The following TPR variants were observed in gnomAD, a reference collection of about 807,000 sequenced individuals.
The protein encoded by TPR is translocated promoter region, nuclear basket protein.
In TPR, 51 loss-of-function variants were observed where a neutral mutation model predicts 316.1. That is an observed-to-expected ratio of 0.16 (90% confidence interval 0.13 to 0.20). The LOEUF (loss-of-function observed/expected upper bound fraction) is 0.20. Ranked by LOEUF, TPR falls within the 10% of genes least tolerant of loss-of-function variation. TPR has a pLI of 1.00. For missense variants in TPR, 2,272 were observed against 2,754.8 expected (o/e 0.82, Z 3.92); for synonymous variants, 981 against 914.7 (o/e 1.07, Z -1.31).
intron 18 of TPR, among the ~76,000 whole-genome samples, chr1:186,353,251 A>G (rs1010712752): frequency 6.6e-6 from 1 of 152,036 alleles, no homozygotes; most frequent in Non-Finnish European, 1.5e-5. Context: ...GGGCACCTGT[A>G]GTCCCAGCTA....
At chr1:186,357,266 T>C (rs1410599002) in intron 14 of TPR, 131 bp downstream of exon 14, 2 of 830,534 alleles carry the variant, frequency 2.4e-6, no homozygotes, top group African/African-American at 3.4e-5. Context: ...CAGGCTGGTC[T>C]CGACCTCCTG....
At chr1:186,366,898 GATC>G (rs1203447722) in intron 4 of TPR, among the ~76,000 whole-genome samples, 1 of 151,566 alleles carries the variant, frequency 6.6e-6, no homozygotes, top group Non-Finnish European at 1.5e-5. Flanking sequence ...ACCACTTGTT[GATC>G]AACACACTCA....
At chr1:186,328,024 A>C (rs948208413) in intron 39 of TPR, among the ~76,000 whole-genome samples, 2 of 152,078 alleles carry the variant, frequency 1.3e-5, no homozygotes, top group Non-Finnish European at 2.9e-5. Context: ...ACTTCAAGTG[A>C]TCTCCCACCT....
chr1:186,313,845 T>C lies in TPR; in HGVS notation c.*126A>G. 1 of 1,494,112 alleles carries C rather than the reference T, an allele frequency of 6.7e-7. No individual in the cohort carries two copies. The highest frequency in any genetic ancestry group is 9.3e-7 in the Non-Finnish European group (1 of 1,071,556). 92.6% of individuals were successfully genotyped at this position (1,494,112 alleles called of 1,614,324 possible). On this transcript the variant is annotated 3_prime_UTR_variant, in exon 51 of 51. Coordinates refer to ENST00000367478, the MANE Select transcript of TPR (RefSeq NM_003292.3). The stretch of plus-strand genomic sequence containing the variant: ...AATAAATTTTGACACTGAAAAACAT[T>C]TTATTAATAAAGAATATTGACATGA...
In TPR at chr1:186,352,009, T is replaced by C. The variant is rs1310011080; in HGVS notation, c.2436A>G (p.Gln812=). 1.2e-6 allele frequency: 2 copies of C among 1,607,042 alleles called. No individual in the cohort carries two copies. The highest frequency in any genetic ancestry group is 1.1e-5 in the South Asian group (1 of 89,338). The stretch of plus-strand genomic sequence containing the variant: ...TTTGCAGATTAGTTAGCAGTAAGTT[T>C]TGCCCCCTTTGTTCAGCTAACAAAG... ...RESLLAEQRG[Q]NLLLTNLQTI... Residue 812 remains glutamine (Q), a synonymous_variant, in exon 19 of 51, where the codon CAA becomes CAG. Coordinates refer to ENST00000367478, the MANE Select transcript of TPR (RefSeq NM_003292.3).
intron 13 of TPR, among the ~76,000 whole-genome samples, chr1:186,358,021 T>A (rs1659079544): frequency 2.0e-5 from 3 of 152,130 alleles, no homozygotes; most frequent in Non-Finnish European, 4.4e-5. Context: ...CATGTGAAAT[T>A]TTTACATTTG....
At position 186,356,416 on chromosome 1, in the gene TPR, G is replaced by A. The variant is rs746583660; in HGVS notation, c.1758C>T (p.Ala586=). The A allele has an allele frequency of 4.3e-6, 7 of 1,612,764 alleles. No homozygotes were observed. Among genetic ancestry groups the A allele is most frequent in the Non-Finnish European group, 5.9e-6 (7 of 1,179,192 alleles). ...ITELQLKLES[A]LTELEQLRKS... ...TGCGGAGTTGTTCTAGTTCAGTAAG[G>A]GCACTCTCAAGTTTGAGCTGAAGCT... Residue 586 remains alanine, a synonymous_variant, in exon 15 of 51, where the codon GCC becomes GCT. Coordinates refer to ENST00000367478, the MANE Select transcript of TPR (RefSeq NM_003292.3).
At chr1:186,335,229 T>C (rs543892377) in intron 34 of TPR, 100 bp from the exon 35 acceptor site, 17 of 1,543,486 alleles carry the variant, frequency 1.1e-5, no homozygotes, top group South Asian at 1.2e-5. Context: ...TCCGCATATA[T>C]TGAATTTTAG....
intron 39 of TPR, among the ~76,000 whole-genome samples, chr1:186,328,116 T>C (rs1658054137): frequency 6.6e-6 from 1 of 152,114 alleles, no homozygotes; most frequent in African/African-American, 2.4e-5. Flanking sequence ...TTTCAAGTAT[T>C]TTTGAAGAAA....
intron 45 of TPR, among the ~76,000 whole-genome samples, chr1:186,321,102 T>C (rs1036849322): frequency 7.9e-5 from 12 of 152,138 alleles, no homozygotes; most frequent in African/African-American, 2.9e-4. Context: ...ATGCTGTTGA[T>C]TGCTGGTACT....
At chr1:186,355,926 A>G (rs1449822749) in intron 15 of TPR, among the ~76,000 whole-genome samples, 158 bp from the exon 16 acceptor site, 2 of 152,202 alleles carry the variant, frequency 1.3e-5, no homozygotes, top group African/African-American at 4.8e-5. Context: ...GGAATCTACT[A>G]AACAATGTAT....
chr1:186,340,968 T>C lies in TPR; in HGVS notation c.4020+60A>G, dbSNP rs569672863. 3.4e-5 allele frequency: 53 copies of C among 1,571,680 alleles called. No homozygotes were observed. In the South Asian group the frequency reaches 3.7e-4, roughly 11 times the overall value. On this transcript the variant is annotated intron_variant, in intron 29 of 50. Coordinates refer to ENST00000367478, the MANE Select transcript of TPR (RefSeq NM_003292.3). ...CCTCAAATATTTTTATTCCCCTAAG[T>C]TTCCCCTATTATTAAAAACACGTGT...
chr1:186,317,925 AAAC>A (rs1366769789), intron 48 of TPR, among the ~76,000 whole-genome samples: 1 of 152,230 alleles, frequency 6.6e-6, no homozygotes, highest in Non-Finnish European at 1.5e-5. Flanking sequence ...ATAAATCTCA[AAAC>A]AACATTTTAG....
At chr1:186,360,190 G>T in intron 11 of TPR, 83 bp downstream of exon 11, 2 of 1,482,108 alleles carry the variant, frequency 1.3e-6, no homozygotes, top group Admixed American at 2.1e-5. Flanking sequence ...TTAAAAATAA[G>T]TTTTGGGAGA....
At chr1:186,323,603 G>A in intron 43 of TPR, 83 bp downstream of exon 43, 1 of 1,264,358 alleles carries the variant, frequency 7.9e-7, no homozygotes, top group Non-Finnish European at 1.0e-6. Flanking sequence ...AACCAAGAGA[G>A]AGAGAGAAAT....
chr1:186,319,212 C>T (rs1440392483), intron 46 of TPR, among the ~76,000 whole-genome samples: 1 of 152,142 alleles, frequency 6.6e-6, no homozygotes, highest in Admixed American at 6.5e-5. Context: ...TGCACCTGAA[C>T]TCCTGGCCTC....
rs1480643766 is a variant in TPR at position 186,327,146 on chromosome 1, A to T, written c.5889+314T>A. ...ATATAACATATATATTATATATATA[A>T]ATATATATAAATATATAACATATAT... is the stretch of plus-strand genomic sequence containing the variant. On this transcript the variant is annotated intron_variant, in intron 40 of 50. Transcript: ENST00000367478. Among the ~76,000 whole-genome samples the T allele has an allele frequency of 5.2e-4, 5 of 9,604 alleles. 1 individual carries two copies. In the East Asian group the frequency reaches 0.015, roughly 29 times the overall value. The allele number at this position is 9,604 out of a possible 152,430, so 6.3% of individuals were successfully genotyped here.
At chr1:186,350,614 TAA>T (rs1166557924) in intron 20 of TPR, among the ~76,000 whole-genome samples, 1 of 151,830 alleles carries the variant, frequency 6.6e-6, no homozygotes, top group Non-Finnish European at 1.5e-5. Flanking sequence ...TTTACTGATT[TAA>T]AAGTTTCCAG....
intron 4 of TPR, among the ~76,000 whole-genome samples, chr1:186,367,345 G>A (rs111419308): frequency 0.19 from 28,432 of 151,954 alleles, 3,016 homozygotes; most frequent in African/African-American, 0.29. Context: ...GATTACAGGC[G>A]TCAGCCACCG....
Sources: allele counts gnomAD v4.1 joint callset (sites outside exome capture counted in the v4.1 genomes callset), GRCh38; gene constraint gnomAD v4.1.1; transcripts MANE v1.5; gene names NCBI Gene and HGNC (gene_info 2026-07-23, HGNC 2026-07-21).